Variants in PSD4 observed in about 807,000 individuals in gnomAD.
PSD4 encodes the protein pleckstrin and Sec7 domain containing 4.
A neutral mutation model predicts 112.5 loss-of-function variants in PSD4; 59 were observed. The observed-to-expected ratio is 0.52, with a 90% CI of 0.43 to 0.65. The LOEUF is 0.65. PSD4 is among the 30% of genes least tolerant of loss of function. PSD4 has a pLI of 0.00. For missense variants in PSD4, 1,267 were observed against 1,352.6 expected, an observed-to-expected ratio of 0.94 and a Z score of 0.99; for synonymous variants, 533 against 540.0, an observed-to-expected ratio of 0.99 and a Z score of 0.18.
In PSD4 at chr2:113,204,618, C is replaced by T. The variant is rs1483381220; in HGVS notation, c.*3203C>T. The T allele has an allele frequency of 6.6e-6, 1 of 152,254 alleles. No individual in the cohort carries two copies. Among genetic ancestry groups the T allele is most frequent in the Non-Finnish European group, 1.5e-5 (1 of 68,076 alleles). The allele number at this position is 152,254 out of a possible 1,614,324, so 9.4% of individuals were successfully genotyped here. A position where few individuals can be genotyped will look rare whatever the true frequency, so the allele number is the denominator to read the frequency against. Reference sequence around the variant, plus strand: ...TCCTTTCCCATATAGGGGAGCTCAGCTTCCAGGGTCCTGGGCCTGCTGTGA... The same window carrying T: ...TCCTTTCCCATATAGGGGAGCTCAGTTTCCAGGGTCCTGGGCCTGCTGTGA... On this transcript the variant is annotated 3_prime_UTR_variant, in exon 17 of 17. Transcript: ENST00000245796.
chr2:113,186,299 G>T lies in PSD4; in HGVS notation c.1628+44G>T, dbSNP rs745569377. 3.3e-6 allele frequency: 5 copies of T among 1,514,740 alleles called. 1 individual carries two copies. The South Asian group carries it at 5.2e-5, about 16-fold the overall frequency. 93.8% of individuals were successfully genotyped at this position (1,514,740 alleles called of 1,614,324 possible). On this transcript the variant is annotated intron_variant, in intron 5 of 16. Coordinates refer to ENST00000245796, the MANE Select transcript of PSD4 (RefSeq NM_012455.3). ...GGCTCTCATGCTCCTAATTATGGAT[G>T]CATTTAAGAATATTCTAGTCTGGAT...
Position 113,192,491 on chromosome 2 carries a change from T to C in PSD4, c.1740T>C (p.Asn580=), listed in dbSNP as rs778270300. ...QRPPAGDKLA[N]GVRNNKVAWN... is the part of the protein sequence containing the mutation. ...CACCAGCTGGAGACAAGCTAGCTAA[T>C]GGCGTCAGGAACAACAAGGTAGCCT... Residue 580 remains asparagine, a synonymous_variant, in exon 6 of 17, where the codon AAT becomes AAC. Coordinates refer to ENST00000245796, the MANE Select transcript of PSD4 (RefSeq NM_012455.3). 4.3e-6 allele frequency: 7 copies of C among 1,614,106 alleles called. No individual in the cohort carries two copies. Among genetic ancestry groups the C allele is most frequent in the Non-Finnish European group, 5.9e-6 (7 of 1,180,044 alleles).
In PSD4 at chr2:113,186,263, T is replaced by C; in HGVS notation, c.1628+8T>C. Reference sequence around the variant, plus strand: ...CCTGACTTCTGCAGAACAGTAAGTCTCAGACTAACTGGCTCTCATGCTCCT... The same window carrying C: ...CCTGACTTCTGCAGAACAGTAAGTCCCAGACTAACTGGCTCTCATGCTCCT... On this transcript the variant is annotated splice_region_variant and intron_variant, in intron 5 of 16. Transcript: ENST00000245796. 6.4e-7 allele frequency: 1 copy of C among 1,559,036 alleles called. No individual in the cohort carries two copies. Among genetic ancestry groups the C allele is most frequent in the East Asian group, 2.3e-5 (1 of 44,308 alleles).
chr2:113,181,765 C>A (rs970832474), intron 1 of PSD4, among the ~76,000 whole-genome samples: 2 of 152,192 alleles, frequency 1.3e-5, no homozygotes, highest in Non-Finnish European at 2.9e-5. Context: ...CTTACAAGGA[C>A]AAAGAAGCAG....
Position 113,186,040 on chromosome 2 carries a change from G to A in PSD4, c.1413G>A (p.Gln471=). 1.2e-6 allele frequency: 2 copies of A among 1,614,264 alleles called. No homozygotes were observed. The highest frequency in any genetic ancestry group is 1.1e-5 in the South Asian group (1 of 91,086). The change falls in exon 5 of 17, where the codon CAG becomes CAA. Residue 471 remains glutamine (Q), a synonymous_variant. Coordinates refer to ENST00000245796, the MANE Select transcript of PSD4 (RefSeq NM_012455.3). The stretch of plus-strand genomic sequence containing the variant: ...CATCGTCCCAGGAGGGCAGCCCGCA[G>A]CTTCAACACCACAGCTCAGGCATTT... ...SPASSQEGSP[Q]LQHHSSGILP... is the part of the protein sequence containing the mutation.
chr2:113,180,227 C>T (rs964844531), intron 1 of PSD4, among the ~76,000 whole-genome samples: 11 of 152,136 alleles, frequency 7.2e-5, no homozygotes, highest in Non-Finnish European at 1.0e-4. Flanking sequence ...GGCTGAAGGC[C>T]GCGCGAATCA....
rs45511992 is a variant in PSD4, at chr2:113,175,245, T to G, written c.-112+1191T>G. 9.3e-3 allele frequency: 1,416 copies of G among 153,060 alleles called. 10 individuals are homozygous for G. Among genetic ancestry groups the G allele is most frequent in the Middle Eastern group, 0.037 (11 of 298 alleles). The allele number at this position is 153,060 out of a possible 1,614,324, so 9.5% of individuals were successfully genotyped here. A position where few individuals can be genotyped will look rare whatever the true frequency, so the allele number is the denominator to read the frequency against. On this transcript the variant is annotated intron_variant, in intron 1 of 16. Transcript: ENST00000245796. ...TCATTCTGTCCCTACCCCCGTGATC[T>G]CTCCCCTGGATACTCTCTGCCTACC...
chr2:113,184,998 G>A lies in PSD4; in HGVS notation c.1098G>A (p.Val366=). 6.2e-7 allele frequency: 1 copy of A among 1,614,252 alleles called. No individual in the cohort carries two copies. Among genetic ancestry groups the A allele is most frequent in the Non-Finnish European group, 8.5e-7 (1 of 1,180,036 alleles). The change falls in exon 3 of 17, where the codon GTG becomes GTA. Residue 366 remains valine, a synonymous_variant. Transcript: ENST00000245796. ...CTGCTCCATCTGCAGCACCGTGTGT[G>A]GACGAAGCATTGACCTGGGAATCAG... ...LGPAPSAAPC[V]DEALTWESGC... is the part of the protein sequence containing the mutation.
intron 2 of PSD4, 34 bp downstream of exon 2, chr2:113,183,546 G>A (rs1443366134): frequency 6.7e-7 from 1 of 1,488,790 alleles, no homozygotes; most frequent in Non-Finnish European, 9.0e-7. Flanking sequence ...CCGGGGCTGT[G>A]CTGGGAACAC....
In PSD4 at chr2:113,204,356, C is replaced by A; in HGVS notation, c.*2941C>A. 6.6e-6 allele frequency: 1 copy of A among 152,416 alleles called. No homozygotes were observed. The allele number at this position is 152,416 out of a possible 1,614,324, so 9.4% of individuals were successfully genotyped here. Reference sequence around the variant, plus strand: ...ACATCTCAGAAGTCTATGGGGACAGCCTACAGCTCCCCACAGGGTTGCTCC... The same window carrying A: ...ACATCTCAGAAGTCTATGGGGACAGACTACAGCTCCCCACAGGGTTGCTCC... On this transcript the variant is annotated 3_prime_UTR_variant, in exon 17 of 17. Transcript: ENST00000245796.
chr2:113,187,630 A>G (rs1030307224), intron 5 of PSD4, among the ~76,000 whole-genome samples: 2 of 152,246 alleles, frequency 1.3e-5, no homozygotes, highest in African/African-American at 2.4e-5. Context: ...ACTCAATCCA[A>G]TCTAAACCTG....
chr2:113,180,349 T>G (rs2104492481), intron 1 of PSD4, among the ~76,000 whole-genome samples: 1 of 152,324 alleles, frequency 6.6e-6, no homozygotes, highest in East Asian at 1.9e-4. Context: ...CTGCAGTCCA[T>G]GTGGCTATTG....
Position 113,185,403 on chromosome 2 carries a change from T to C in PSD4, c.1212T>C (p.Pro404=). The C allele has an allele frequency of 6.2e-7, 1 of 1,614,126 alleles. No homozygotes were observed. Among genetic ancestry groups the C allele is most frequent in the Non-Finnish European group, 8.5e-7 (1 of 1,179,996 alleles). The change falls in exon 4 of 17, where the codon CCT becomes CCC. Residue 404 remains proline, a synonymous_variant. Transcript: ENST00000245796. ...LSPEGWQRGG[P]FWPQVTLNSQ... is the part of the protein sequence containing the mutation. ...CTGAGGGCTGGCAGAGAGGAGGTCC[T>C]TTTTGGCCCCAGGTGACTCTTAACT...
chr2:113,182,398 A>C lies in PSD4; in HGVS notation c.-59A>C. ...GCGGCCAGTGCTCCCCCTAGTCCACACAGTGAGACCGTGAAAGCAGATGCT... is the reference window on the plus strand; with the variant it reads ...GCGGCCAGTGCTCCCCCTAGTCCACCCAGTGAGACCGTGAAAGCAGATGCT... On this transcript the variant is annotated 5_prime_UTR_variant, in exon 2 of 17. Transcript: ENST00000245796. 6.9e-7 allele frequency: 1 copy of C among 1,458,690 alleles called. No individual in the cohort carries two copies. Among genetic ancestry groups the C allele is most frequent in the Non-Finnish European group, 9.3e-7 (1 of 1,071,380 alleles). 90.4% of individuals were successfully genotyped at this position (1,458,690 alleles called of 1,614,324 possible).
chr2:113,182,965 T>TGGAGGA lies in PSD4; in HGVS notation c.514_519dup (p.Glu172_Glu173dup). 6.2e-7 allele frequency: 1 copy of TGGAGGA among 1,614,132 alleles called. No individual in the cohort carries two copies. The highest frequency in any genetic ancestry group is 8.5e-7 in the Non-Finnish European group (1 of 1,180,026). On this transcript the variant is annotated inframe_insertion, in exon 2 of 17. Coordinates refer to ENST00000245796, the MANE Select transcript of PSD4 (RefSeq NM_012455.3). Reference sequence around the variant, plus strand: ...CAGGCCCAGATGTGTGTCCTAGACCTGGAGGAGGAGCTGGAGAAGACGGAA... The same window carrying TGGAGGA: ...CAGGCCCAGATGTGTGTCCTAGACCTGGAGGAGGAGGAGGAGCTGGAGAAGACGGAA...
At position 113,206,736 on chromosome 2, in the gene PSD4, C is replaced by T. The variant is rs1478660344; in HGVS notation, c.*5321C>T. ...GTGAGGTTAGCTATTAATTCATAGC[C>T]TCACCAGACTTACCCCACGTCTGCT... On this transcript the variant is annotated 3_prime_UTR_variant, in exon 17 of 17. Transcript: ENST00000245796. 6.6e-6 allele frequency: 1 copy of T among 152,256 alleles called. No individual in the cohort carries two copies. The highest frequency in any genetic ancestry group is 2.4e-5 in the African/African-American group (1 of 41,458). 9.4% of individuals were successfully genotyped at this position (152,256 alleles called of 1,614,324 possible). A position where few individuals can be genotyped will look rare whatever the true frequency, so the allele number is the denominator to read the frequency against.
chr2:113,201,243 T>C lies in PSD4; in HGVS notation c.2999T>C (p.Leu1000Pro). Residue 1000 changes from leucine to proline, a missense_variant, in exon 17 of 17, where the codon CTG becomes CCG. Transcript: ENST00000245796. The stretch of plus-strand genomic sequence containing the variant: ...GCTCTGGACCTGTGGGAGGAGCAGC[T>C]GGGGAGGGAAGCTGGAGGCACTCGG... ...SDALDLWEEQ[L>P]GREAGGTREP... The C allele has an allele frequency of 6.2e-7, 1 of 1,614,104 alleles. No homozygotes were observed. The highest frequency in any genetic ancestry group is 8.5e-7 in the Non-Finnish European group (1 of 1,180,008).
intron 7 of PSD4, 46 bp downstream of exon 7, chr2:113,193,174 G>C: frequency 1.2e-6 from 2 of 1,604,940 alleles, no homozygotes; most frequent in South Asian, 2.2e-5. Flanking sequence ...AGGATGGCAT[G>C]GGGCAGTGGC....
At position 113,201,148 on chromosome 2, in the gene PSD4, T is replaced by G. The variant is rs753880350; in HGVS notation, c.2914-10T>G. ...GATGGTGCTAAGGTGGTGGGGCCTG[T>G]GTGTTGCAGAAAACCCGCTACGAGA... On this transcript the variant is annotated splice_polypyrimidine_tract_variant and intron_variant, in intron 16 of 16. Coordinates refer to ENST00000245796, the MANE Select transcript of PSD4 (RefSeq NM_012455.3). 3 of 1,603,464 alleles carry G rather than the reference T, an allele frequency of 1.9e-6. No individual in the cohort carries two copies. The highest frequency in any genetic ancestry group is 2.6e-6 in the Non-Finnish European group (3 of 1,173,500).
Sources: allele counts gnomAD v4.1 joint callset (sites outside exome capture counted in the v4.1 genomes callset), GRCh38; gene constraint gnomAD v4.1.1; transcripts MANE v1.5; gene names NCBI Gene and HGNC (gene_info 2026-07-23, HGNC 2026-07-21).